Variants in ARHGEF10 observed in about 807,000 individuals in gnomAD.
ARHGEF10 encodes Rho guanine nucleotide exchange factor 10.
Under a neutral mutation model 147.4 loss-of-function variants are expected in ARHGEF10, and 140 were observed. The ratio of observed to expected loss-of-function variants is 0.95; its 90% CI spans 0.83 to 1.09. The LOEUF (loss-of-function observed/expected upper bound fraction) is 1.09, where lower values mean the gene tolerates loss of function less well. Ranked by LOEUF, ARHGEF10 falls within the 50% of genes least tolerant of loss-of-function variation. ARHGEF10 has a pLI of 0.00. For missense variants in ARHGEF10, 2,222 were observed against 1,752.7 expected (o/e 1.27, Z -4.78); for synonymous variants, 902 against 695.8 (o/e 1.30, Z -4.67).
chr8:1,840,895 C>G (rs1198452528), intron 1 of ARHGEF10, among the ~76,000 whole-genome samples: 1 of 152,198 alleles, frequency 6.6e-6, no homozygotes, highest in Non-Finnish European at 1.5e-5. Flanking sequence ...CCCCTACCGC[C>G]TCACGGGTGC....
chr8:1,858,254 C>T, intron 3 of ARHGEF10, 139 bp downstream of exon 3: 1 of 738,702 alleles, frequency 1.4e-6, no homozygotes, highest in East Asian at 2.7e-5. Flanking sequence ...CCAGGTGAGT[C>T]CCCTGGGGGG....
At chr8:1,848,838 C>T (rs1397980579) in intron 2 of ARHGEF10, among the ~76,000 whole-genome samples, 3 of 152,084 alleles carry the variant, frequency 2.0e-5, no homozygotes, top group Non-Finnish European at 4.4e-5. Context: ...ATAGTATCTG[C>T]ATGGTTATGT....
At chr8:1,824,560 C>G (rs1563138207) in intron 1 of ARHGEF10, among the ~76,000 whole-genome samples, 1 of 145,660 alleles carries the variant, frequency 6.9e-6, no homozygotes, top group Non-Finnish European at 1.5e-5. Context: ...ACCTGTCCCC[C>G]TACCCCACCA....
At chr8:1,836,042 G>A (rs1160736161) in intron 1 of ARHGEF10, among the ~76,000 whole-genome samples, 4 of 151,792 alleles carry the variant, frequency 2.6e-5, no homozygotes, top group East Asian at 3.9e-4. Flanking sequence ...TTAGCCAGGC[G>A]TGGTGGCAGG....
At chr8:1,951,039 T>A (rs1014717580) in intron 27 of ARHGEF10, among the ~76,000 whole-genome samples, 2 of 152,182 alleles carry the variant, frequency 1.3e-5, no homozygotes, top group African/African-American at 4.8e-5. Context: ...CGGGGCTGCT[T>A]CCCATCCTAG....
rs1812597366 is a variant in ARHGEF10, at chr8:1,925,283, A to G, written c.2489A>G (p.Glu830Gly). The change falls in exon 22 of 29, where the codon GAA becomes GGA. Residue 830 changes from glutamate (E) to glycine (G), a missense_variant and splice_region_variant. Coordinates refer to ENST00000349830, the MANE Select transcript of ARHGEF10 (RefSeq NM_014629.4). ...NSLQMAKLAL[E>G]EENHMGWFCV... Reference sequence around the variant, plus strand: ...CATTTCTCTCTGAATATAATTGCAGAAGAGGAGAACCACATGGGCTGGTTC... The same window carrying G: ...CATTTCTCTCTGAATATAATTGCAGGAGAGGAGAACCACATGGGCTGGTTC... 1 of 1,614,162 alleles carries G rather than the reference A, an allele frequency of 6.2e-7. No individual in the cohort carries two copies. The highest frequency in any genetic ancestry group is 8.5e-7 in the Non-Finnish European group (1 of 1,180,024).
intron 26 of ARHGEF10, among the ~76,000 whole-genome samples, chr8:1,934,354 C>CAA (rs36102342): frequency 0.19 from 21,755 of 116,896 alleles, 2,248 homozygotes; most frequent in African/African-American, 0.2. Context: ...ACCCTGTCTC[C>CAA]AAAAAAAAAA....
intron 1 of ARHGEF10, among the ~76,000 whole-genome samples, chr8:1,836,938 A>C (rs1803619563): frequency 1.3e-5 from 2 of 152,304 alleles, no homozygotes; most frequent in South Asian, 4.1e-4. Flanking sequence ...CCACGTAAGA[A>C]GTGCCTTTCA....
At chr8:1,953,950 C>T (rs1815268234) in intron 28 of ARHGEF10, among the ~76,000 whole-genome samples, 3 of 152,214 alleles carry the variant, frequency 2.0e-5, no homozygotes, top group South Asian at 4.1e-4. Context: ...GGCTTCCGTG[C>T]ACTCAGATTT....
intron 12 of ARHGEF10, 57 bp downstream of exon 12, chr8:1,893,703 A>G (rs1019091963): frequency 1.7e-5 from 23 of 1,323,378 alleles, no homozygotes; most frequent in African/African-American, 2.9e-5. Flanking sequence ...TTTTACCTAT[A>G]TACATTTTGA....
At chr8:1,871,446 C>G (rs1240846275) in intron 7 of ARHGEF10, among the ~76,000 whole-genome samples, 1 of 151,950 alleles carries the variant, frequency 6.6e-6, no homozygotes, top group Non-Finnish European at 1.5e-5. Flanking sequence ...AATATTTTGT[C>G]TTGAATAATA....
intron 5 of ARHGEF10, 140 bp downstream of exon 5, chr8:1,864,576 C>T (rs1456316571): frequency 4.7e-5 from 39 of 823,394 alleles, no homozygotes; most frequent in Middle Eastern, 2.3e-4. Context: ...CCTCCTGCCT[C>T]GGGTCCCTCC....
chr8:1,921,335 A>G (rs1326371591), intron 18 of ARHGEF10, among the ~76,000 whole-genome samples: 1 of 152,232 alleles, frequency 6.6e-6, no homozygotes, highest in Non-Finnish European at 1.5e-5. Flanking sequence ...ATATATATGT[A>G]TTATATCTGT....
At chr8:1,902,712 G>A (rs1439338786) in intron 15 of ARHGEF10, among the ~76,000 whole-genome samples, 1 of 152,134 alleles carries the variant, frequency 6.6e-6, no homozygotes, top group Non-Finnish European at 1.5e-5. Flanking sequence ...CCCTTGTGCT[G>A]TGCATTCGGT....
chr8:1,933,991 A>C, intron 26 of ARHGEF10, 49 bp downstream of exon 26: 1 of 1,613,206 alleles, frequency 6.2e-7, no homozygotes. Context: ...CATTTCAGAA[A>C]CAGCTCAGCT....
At chr8:1,956,321 C>T (rs1188882880) in intron 28 of ARHGEF10, among the ~76,000 whole-genome samples, 4 of 152,124 alleles carry the variant, frequency 2.6e-5, no homozygotes, top group Non-Finnish European at 5.9e-5. Context: ...GGCAGGCAGC[C>T]GGTAGTTTAG....
At position 1,875,389 on chromosome 8, in the gene ARHGEF10, G is replaced by C. The variant is rs1379826236; in HGVS notation, c.680-1182G>C. ...CCCTCCGCTCTTGGGCACGTGGGTA[G>C]GCTCTCAGGATGACTCTTGGCTCTT... is the stretch of plus-strand genomic sequence containing the variant. On this transcript the variant is annotated intron_variant, in intron 7 of 28. Transcript: ENST00000349830. Among the ~76,000 whole-genome samples, 3 of 152,100 alleles carry C rather than the reference G, an allele frequency of 2.0e-5. No individual in the cohort carries two copies. The East Asian group carries it at 5.8e-4, about 29-fold the overall frequency.
chr8:1,834,372 G>T (rs778678547), intron 1 of ARHGEF10, among the ~76,000 whole-genome samples: 1 of 152,178 alleles, frequency 6.6e-6, no homozygotes, highest in Non-Finnish European at 1.5e-5. Flanking sequence ...GTCTCAGTCC[G>T]AGGTGAGCAG....
intron 11 of ARHGEF10, among the ~76,000 whole-genome samples, chr8:1,889,030 GGAAA>G: frequency 9.6e-6 from 1 of 104,372 alleles, no homozygotes; most frequent in Non-Finnish European, 2.0e-5. Context: ...AGAGTTGTGA[GGAAA>G]CATGGAGTGG....
Sources: allele counts gnomAD v4.1 joint callset (sites outside exome capture counted in the v4.1 genomes callset), GRCh38; gene constraint gnomAD v4.1.1; transcripts MANE v1.5; gene names NCBI Gene and HGNC (gene_info 2026-07-23, HGNC 2026-07-21).